CNOT2: variants seen among roughly 807,000 people sequenced by gnomAD.
CNOT2 encodes the protein CC chemokine receptor 4-negative regulator of transcription 2.
A neutral mutation model predicts 72.1 loss-of-function variants in CNOT2; 7 were observed. The ratio of observed to expected loss-of-function variants is 0.10; its 90% CI spans 0.06 to 0.18. CNOT2 has a LOEUF of 0.18. CNOT2 is among the 10% of genes least tolerant of loss of function. The pLI, the probability that CNOT2 is intolerant of heterozygous loss-of-function variation, is 1.00. For missense variants in CNOT2, 345 were observed against 660.3 expected, an observed-to-expected ratio of 0.52 and a Z score of 5.23; for synonymous variants, 196 against 225.6, an observed-to-expected ratio of 0.87 and a Z score of 1.17.
intron 1 of CNOT2, among the ~76,000 whole-genome samples, chr12:70,255,833 A>T (rs564874720): frequency 6.6e-6 from 1 of 152,234 alleles, no homozygotes; most frequent in Non-Finnish European, 1.5e-5. Flanking sequence ...CAAATAACTC[A>T]TATCTAAAAC....
intron 2 of CNOT2, among the ~76,000 whole-genome samples, chr12:70,289,003 TCTC>T (rs1238405137): frequency 6.6e-6 from 1 of 151,994 alleles, no homozygotes; most frequent in Non-Finnish European, 1.5e-5. Flanking sequence ...CCCTTTCTTC[TCTC>T]CTTTCGCTTT....
At chr12:70,318,005 T>G (rs998660924) in intron 3 of CNOT2, among the ~76,000 whole-genome samples, 5 of 151,920 alleles carry the variant, frequency 3.3e-5, no homozygotes, top group African/African-American at 1.2e-4. Flanking sequence ...TTTGTGAGTC[T>G]CCATTAACCT....
intron 2 of CNOT2, among the ~76,000 whole-genome samples, chr12:70,300,355 C>A (rs917564791): frequency 1.3e-4 from 20 of 152,134 alleles, no homozygotes; most frequent in Admixed American, 1.0e-3. Flanking sequence ...GGTTTTAGGT[C>A]TAACATTTAA....
intron 1 of CNOT2, among the ~76,000 whole-genome samples, chr12:70,261,642 A>G (rs373103354): frequency 3.9e-5 from 6 of 151,924 alleles, no homozygotes; most frequent in Admixed American, 1.3e-4. Context: ...TTCATAAGAT[A>G]TATCAGTCTG....
chr12:70,344,307 C>A, intron 14 of CNOT2, 79 bp downstream of exon 14: 1 of 826,170 alleles, frequency 1.2e-6, no homozygotes, highest in Non-Finnish European at 2.0e-6. Flanking sequence ...GTGATGATGG[C>A]TATCTTTAAA....
intron 15 of CNOT2, among the ~76,000 whole-genome samples, chr12:70,349,762 G>C (rs1452258908): frequency 6.6e-6 from 1 of 152,166 alleles, no homozygotes; most frequent in African/African-American, 2.4e-5. Context: ...CACTTTGGGA[G>C]AATGAGGCAA....
intron 15 of CNOT2, among the ~76,000 whole-genome samples, chr12:70,349,717 T>C (rs944119406): frequency 6.6e-6 from 1 of 152,166 alleles, no homozygotes; most frequent in Admixed American, 6.5e-5. Context: ...ATGTTGACAT[T>C]GGTTGGGCAT....
rs998844337 is a variant in CNOT2 at position 70,272,599 on chromosome 12, C to T, written c.-95-5533C>T. ...ATACCGTTAAGTCTGTTGCTTCTCT[C>T]ATGCTTCTTAATACTCACAACTTTT... On this transcript the variant is annotated intron_variant, in intron 1 of 15. Coordinates refer to ENST00000229195, the MANE Select transcript of CNOT2 (RefSeq NM_014515.7). Among the ~76,000 whole-genome samples the T allele has an allele frequency of 2.0e-5, 3 of 152,154 alleles. No individual in the cohort carries two copies. In the East Asian group the frequency reaches 5.8e-4, roughly 29 times the overall value.
intron 3 of CNOT2, among the ~76,000 whole-genome samples, chr12:70,316,244 T>C (rs1877306204): frequency 6.6e-6 from 1 of 152,200 alleles, no homozygotes; most frequent in Non-Finnish European, 1.5e-5. Context: ...TCTAAAGTTT[T>C]ATATTTTTCT....
intron 2 of CNOT2, among the ~76,000 whole-genome samples, chr12:70,299,707 A>T (rs1448239307): frequency 6.6e-6 from 1 of 152,160 alleles, no homozygotes; most frequent in East Asian, 1.9e-4. Flanking sequence ...TCTTTATAGT[A>T]GCATGATTTA....
rs1555188216 is a variant in CNOT2 at position 70,265,321 on chromosome 12, T to TTCTCG, written c.-95-12807_-95-12806insGTCTC. On this transcript the variant is annotated intron_variant, in intron 1 of 15. Coordinates refer to ENST00000229195, the MANE Select transcript of CNOT2 (RefSeq NM_014515.7). ...TTCTCTTCTCTTCTCTTCTCTTCTC[T>TTCTCG]TCTCTTTCTTTCTTTTTTCTTTCTT... 7.2e-3 allele frequency among the ~76,000 whole-genome samples: 1,060 copies of TTCTCG among 146,792 alleles called. 7 individuals are homozygous for TTCTCG. Among genetic ancestry groups the TTCTCG allele is most frequent in the Admixed American group, 0.016 (228 of 14,504 alleles).
At chr12:70,277,239 GA>G (rs1207387619) in intron 1 of CNOT2, among the ~76,000 whole-genome samples, 1 of 152,100 alleles carries the variant, frequency 6.6e-6, no homozygotes, top group African/African-American at 2.4e-5. Context: ...TATCTGTCTT[GA>G]AAATGCATAT....
At chr12:70,281,152 T>C in intron 2 of CNOT2, among the ~76,000 whole-genome samples, 1 of 150,392 alleles carries the variant, frequency 6.6e-6, no homozygotes, top group East Asian at 2.0e-4. Context: ...AGTGCAGTGG[T>C]GCGCTCACTG....
At chr12:70,244,197 T>C (rs991706871) in intron 1 of CNOT2, 7 of 152,244 alleles carry the variant, frequency 4.6e-5, no homozygotes, top group Non-Finnish European at 1.0e-4. Context: ...AAGGTGAAGC[T>C]TCCGTAGTGT....
chr12:70,346,882 AACGC>A (rs1403986411), intron 15 of CNOT2, among the ~76,000 whole-genome samples: 1 of 152,110 alleles, frequency 6.6e-6, no homozygotes, highest in Non-Finnish European at 1.5e-5. Flanking sequence ...TCCTCACTTA[AACGC>A]CTTTCTAACC....
intron 1 of CNOT2, among the ~76,000 whole-genome samples, chr12:70,271,603 C>T (rs918465820): frequency 2.6e-5 from 4 of 152,034 alleles, no homozygotes; most frequent in East Asian, 1.9e-4. Flanking sequence ...GAACTCCTGA[C>T]CTTAGGTGAT....
At chr12:70,257,182 A>AT (rs1958497147) in intron 1 of CNOT2, among the ~76,000 whole-genome samples, 1 of 152,176 alleles carries the variant, frequency 6.6e-6, no homozygotes, top group Non-Finnish European at 1.5e-5. Context: ...TGCTTAGCCA[A>AT]TTGCTGTGTC....
intron 1 of CNOT2, among the ~76,000 whole-genome samples, chr12:70,273,863 A>G (rs753456994): frequency 3.3e-5 from 5 of 152,084 alleles, no homozygotes; most frequent in Non-Finnish European, 5.9e-5. Flanking sequence ...TGTACAGTTG[A>G]GTTAAAAGTA....
chr12:70,261,129 TTGAGATGATCA>T lies in CNOT2; in HGVS notation c.-95-17000_-95-16990del, dbSNP rs567290032. Among the ~76,000 whole-genome samples, 216 of 152,028 alleles carry T rather than the reference TTGAGATGATCA, an allele frequency of 1.4e-3. 1 individual carries two copies. Among genetic ancestry groups the T allele is most frequent in the African/African-American group, 5.0e-3 (206 of 41,484 alleles). The stretch of plus-strand genomic sequence containing the variant: ...TCAGATGCTTTTTTTGGTGCATCTT[TTGAGATGATCA>T]TGTGGTTGTTCTAATATGTTGTATT... On this transcript the variant is annotated intron_variant, in intron 1 of 15. Coordinates refer to ENST00000229195, the MANE Select transcript of CNOT2 (RefSeq NM_014515.7).
Sources: allele counts gnomAD v4.1 joint callset (sites outside exome capture counted in the v4.1 genomes callset), GRCh38; gene constraint gnomAD v4.1.1; transcripts MANE v1.5; gene names NCBI Gene and HGNC (gene_info 2026-07-23, HGNC 2026-07-21).